The following LPP variants were observed in gnomAD, a reference collection of about 807,000 sequenced individuals.
LPP encodes lipoma-preferred partner.
A neutral mutation model predicts 60.4 loss-of-function variants in LPP; 38 were observed. The observed-to-expected ratio is 0.63, with a 90% confidence interval of 0.49 to 0.83. LPP has a LOEUF of 0.83. Ranked by LOEUF, LPP falls within the 40% of genes least tolerant of loss-of-function variation. The probability of loss-of-function intolerance (pLI) is 0.00; values close to 1 mark genes in which losing one functional copy is unlikely to be tolerated. For synonymous variants in LPP, 328 were observed against 290.8 expected (o/e 1.13, Z -1.30); for missense variants, 902 against 783.6 (o/e 1.15, Z -1.80).
chr3:188,320,571 C>CT (rs1483190522), intron 2 of LPP, among the ~76,000 whole-genome samples: 2 of 152,194 alleles, frequency 1.3e-5, no homozygotes, highest in Admixed American at 1.3e-4. Flanking sequence ...ACAACTAATC[C>CT]TTTTCCTTTC....
At chr3:188,754,218 T>C in intron 8 of LPP, among the ~76,000 whole-genome samples, 1 of 152,194 alleles carries the variant, frequency 6.6e-6, no homozygotes, top group East Asian at 1.9e-4. Flanking sequence ...TTCCAATTAA[T>C]ATAAGTAAAC....
At chr3:188,373,292 A>G (rs1339742599) in intron 3 of LPP, among the ~76,000 whole-genome samples, 2 of 152,202 alleles carry the variant, frequency 1.3e-5, no homozygotes, top group Admixed American at 1.3e-4. Context: ...ACTGACTTCC[A>G]CAATGGTTGA....
intron 2 of LPP, among the ~76,000 whole-genome samples, chr3:188,331,962 GT>G (rs1760205263): frequency 6.6e-6 from 1 of 152,132 alleles, no homozygotes; most frequent in Non-Finnish European, 1.5e-5. Flanking sequence ...AATATATTAT[GT>G]TTAGCTTGAT....
intron 8 of LPP, among the ~76,000 whole-genome samples, chr3:188,719,974 G>A (rs1394315582): frequency 1.3e-5 from 2 of 152,180 alleles, no homozygotes; most frequent in Non-Finnish European, 2.9e-5. Flanking sequence ...ATGCAGTGGC[G>A]TGATCTTGGC....
intron 4 of LPP, among the ~76,000 whole-genome samples, chr3:188,438,129 T>C (rs2149225802): frequency 6.6e-6 from 1 of 152,214 alleles, no homozygotes; most frequent in South Asian, 2.1e-4. Context: ...GACTGGATCA[T>C]GTCGTTTCAT....
At position 188,485,850 on chromosome 3, in the gene LPP, A is replaced by T. The variant is rs78411677; in HGVS notation, c.306+1146A>T. Among the ~76,000 whole-genome samples the T allele has an allele frequency of 5.3e-4, 80 of 149,986 alleles. No homozygotes were observed. The East Asian group carries it at 0.013, about 24-fold the overall frequency. Reference sequence around the variant, plus strand: ...TCTGGTAATTATTTTCAAAATAATAAGGGTTGGAAACTACTGAGTGAGAAC... The same window carrying T: ...TCTGGTAATTATTTTCAAAATAATATGGGTTGGAAACTACTGAGTGAGAAC... On this transcript the variant is annotated intron_variant, in intron 5 of 11. Coordinates refer to ENST00000617246, the MANE Select transcript of LPP (RefSeq NM_001375462.1).
At chr3:188,545,990 T>C (rs1016302553) in intron 6 of LPP, among the ~76,000 whole-genome samples, 50 of 152,180 alleles carry the variant, frequency 3.3e-4, no homozygotes, top group Non-Finnish European at 6.3e-4. Flanking sequence ...TTGTATCACA[T>C]TTTACTACAT....
chr3:188,786,369 T>G (rs1350162729), intron 9 of LPP, among the ~76,000 whole-genome samples: 1 of 110,988 alleles, frequency 9.0e-6, no homozygotes, highest in African/African-American at 3.7e-5. Context: ...GGCAACAGCG[T>G]GAGACTCCGT....
chr3:188,404,250 T>C (rs141778842), intron 3 of LPP, among the ~76,000 whole-genome samples: 2 of 141,116 alleles, frequency 1.4e-5, no homozygotes, highest in African/African-American at 4.9e-5. Context: ...GTTTATATGT[T>C]TGTTTGTTTT....
intron 7 of LPP, among the ~76,000 whole-genome samples, chr3:188,637,242 C>A (rs1365801482): frequency 2.0e-5 from 3 of 152,010 alleles, no homozygotes; most frequent in East Asian, 1.9e-4. Context: ...TGGAAACTGA[C>A]CAACCTGCTC....
chr3:188,812,683 A>G (rs1751334840), intron 9 of LPP, among the ~76,000 whole-genome samples: 2 of 152,064 alleles, frequency 1.3e-5, no homozygotes, highest in East Asian at 1.9e-4. Context: ...AATTCAAAGG[A>G]CTAACCCTAG....
At chr3:188,828,140 C>T (rs971227389) in intron 9 of LPP, among the ~76,000 whole-genome samples, 2 of 152,242 alleles carry the variant, frequency 1.3e-5, no homozygotes, top group Admixed American at 1.3e-4. Context: ...AAATAATACC[C>T]TGGTGGAGTT....
intron 7 of LPP, among the ~76,000 whole-genome samples, chr3:188,641,394 G>T (rs770507238): frequency 2.6e-5 from 4 of 152,158 alleles, no homozygotes; most frequent in Non-Finnish European, 4.4e-5. Context: ...TTTGGGAGGG[G>T]TTAGTGGGGA....
At chr3:188,199,992 G>A (rs932482801) in intron 1 of LPP, among the ~76,000 whole-genome samples, 1 of 152,050 alleles carries the variant, frequency 6.6e-6, no homozygotes, top group Non-Finnish European at 1.5e-5. Flanking sequence ...TTGAGCCACC[G>A]CGCCTGGCCC....
chr3:188,250,404 C>G (rs6809682), intron 2 of LPP, among the ~76,000 whole-genome samples: 4 of 151,966 alleles, frequency 2.6e-5, no homozygotes, highest in Admixed American at 6.6e-5. Flanking sequence ...GTGTCCATCT[C>G]TCCGTCATTG....
At chr3:188,416,145 A>T (rs569329435) in intron 4 of LPP, among the ~76,000 whole-genome samples, 1 of 152,272 alleles carries the variant, frequency 6.6e-6, no homozygotes, top group South Asian at 2.1e-4. Flanking sequence ...ATGCATATAG[A>T]TATCTTAATG....
rs571534366 is a variant in LPP, at chr3:188,779,794, A to G, written c.1410+19512A>G. ...TTACAACATGTTTTCATTGGTCCAT[A>G]GAGAAGACAGCTAATACATCTTCCA... On this transcript the variant is annotated intron_variant, in intron 9 of 11. Coordinates refer to ENST00000617246, the MANE Select transcript of LPP (RefSeq NM_001375462.1). Among the ~76,000 whole-genome samples, 60 of 152,212 alleles carry G rather than the reference A, an allele frequency of 3.9e-4. 1 individual carries two copies. Among genetic ancestry groups the G allele is most frequent in the Admixed American group, 7.9e-4 (12 of 15,272 alleles).
chr3:188,536,619 C>A (rs1443911904), intron 6 of LPP, among the ~76,000 whole-genome samples: 1 of 152,096 alleles, frequency 6.6e-6, no homozygotes, highest in South Asian at 2.1e-4. Flanking sequence ...TAAATGGATT[C>A]TTTGCTTATA....
chr3:188,759,964 G>A (rs1430087021), intron 8 of LPP, 149 bp from the exon 9 acceptor site: 1 of 635,160 alleles, frequency 1.6e-6, no homozygotes, highest in East Asian at 2.8e-5. Flanking sequence ...GATCTTGCTG[G>A]GGTAATGGGG....
Sources: gnomAD v4.1 joint callset for allele counts (sites outside exome capture counted in the v4.1 genomes callset) on GRCh38, gnomAD v4.1.1 for gene constraint, MANE v1.5 for transcripts, NCBI Gene and HGNC (gene_info 2026-07-23, HGNC 2026-07-21) for gene names.